SALL2: variants seen among roughly 807,000 people sequenced by gnomAD.
SALL2 encodes the protein sal-like protein 2.
SALL2 carries 32 observed loss-of-function variants against 58.5 expected under a neutral mutation model. That is an observed-to-expected ratio of 0.55 (90% CI 0.41 to 0.74). SALL2 has a LOEUF of 0.74. Among genes scored for constraint, SALL2 ranks in the 30% least tolerant of loss-of-function variants. SALL2 has a pLI of 0.00. For synonymous variants in SALL2, 516 were observed against 513.6 expected, an observed-to-expected ratio of 1.00 and a Z score of -0.06; for missense variants, 1,201 against 1,268.9, an observed-to-expected ratio of 0.95 and a Z score of 0.81.
At position 21,524,114 on chromosome 14, in the gene SALL2, T is replaced by C. The variant is rs1396044218; in HGVS notation, c.1608A>G (p.Gly536=). ...GAGTTGCCGTGCTACTTTCTGCCAC[T>C]CCACTGATGGCTGAGCCCTCACTCC... ...PPGSEGSAIS[G]VAESSTATRM... is the part of the protein sequence containing the mutation. The change falls in exon 2 of 2, where the codon GGA becomes GGG. Residue 536 remains glycine, a synonymous_variant. Transcript: ENST00000537235. 1.9e-6 allele frequency: 3 copies of C among 1,613,600 alleles called. No individual in the cohort carries two copies. Among genetic ancestry groups the C allele is most frequent in the Non-Finnish European group, 2.5e-6 (3 of 1,179,776 alleles).
intron 1 of SALL2, among the ~76,000 whole-genome samples, chr14:21,531,660 G>A (rs545945594): frequency 1.3e-3 from 188 of 149,740 alleles, no homozygotes; most frequent in African/African-American, 4.2e-3. Flanking sequence ...TGCCCACCTC[G>A]GCCTCCCAAA....
upstream of SALL2, among the ~76,000 whole-genome samples, chr14:21,528,282 T>A (rs540666858): frequency 1.3e-5 from 2 of 152,174 alleles, no homozygotes; most frequent in Non-Finnish European, 2.9e-5. Context: ...ATACTAAAAT[T>A]AGATCTGTTT....
rs1241270367 is a variant in SALL2, at chr14:21,523,741, CTT to C, written c.1979_1980del (p.Lys660SerfsTer11). 6.2e-7 allele frequency: 1 copy of C among 1,614,228 alleles called. No individual in the cohort carries two copies. Among genetic ancestry groups the C allele is most frequent in the Non-Finnish European group, 8.5e-7 (1 of 1,180,038 alleles). ...CTGGTGGAGAAGGCTCTGCCACACA[CTT>C]TGCATTTGAAGGGCCTCTCACCTCC... is the stretch of plus-strand genomic sequence containing the variant. ...QHGGERPFKC[K>X]VCGRAFSTRG... is the part of the protein sequence containing the mutation. On this transcript the variant is annotated frameshift_variant, in exon 2 of 2. Coordinates refer to ENST00000537235, the MANE Select transcript of SALL2 (RefSeq NM_001364564.1). LOFTEE classifies it high-confidence loss of function. The surrounding 1 kb of genome is among the most constrained non-coding windows in gnomAD (Gnocchi z 4.4).
In SALL2 at chr14:21,536,916, A is replaced by G. The variant is rs748824655; in HGVS notation, c.-114+46T>C. 8.1e-6 allele frequency: 13 copies of G among 1,613,946 alleles called. No homozygotes were observed. The East Asian group carries it at 2.9e-4, about 36-fold the overall frequency. ...GTTGGGGTTTCCGCTGCTTTCGCCG[A>G]GACATTCCCGGGTAGAGAGTTGGGA... On this transcript the variant is annotated intron_variant, in intron 1 of 1. Coordinates refer to the SALL2 transcript ENST00000541965.
At position 21,523,157 on chromosome 14, in the gene SALL2, A is replaced by G; in HGVS notation, c.2565T>C (p.Ser855=). The G allele has an allele frequency of 6.2e-7, 1 of 1,613,796 alleles. No homozygotes were observed. The highest frequency in any genetic ancestry group is 8.5e-7 in the Non-Finnish European group (1 of 1,179,936). Residue 855 remains serine (S), a synonymous_variant, in exon 2 of 2, where the codon AGT becomes AGC. Coordinates refer to ENST00000537235, the MANE Select transcript of SALL2 (RefSeq NM_001364564.1). This position sits in a 1 kb window ranked among gnomAD's most constrained non-coding sequence, Gnocchi z 4.4. The part of the protein sequence containing the change: ...DQPQPMEQGS[S]GVLGGKEEGG... ...CCTCTTCCTTGCCTCCTAAAACACC[A>G]CTGCTTCCCTGCTCCATTGGCTGAG...
chr14:21,530,301 T>C (rs1473267617), upstream of SALL2, among the ~76,000 whole-genome samples: 1 of 144,226 alleles, frequency 6.9e-6, no homozygotes, highest in Non-Finnish European at 1.5e-5. Context: ...TTTTTTTTTT[T>C]TTTGAGACGG....
At chr14:21,537,103 CTGTTCTT>C in exon 1 of SALL2, 1 of 591,716 alleles carries the variant, frequency 1.7e-6, no homozygotes, top group Non-Finnish European at 3.0e-6. Flanking sequence ...CTCTGATTCT[CTGTTCTT>C]GACTCTCTCT....
Position 21,522,211 on chromosome 14 carries a change from G to C in SALL2, c.*493C>G, listed in dbSNP as rs753720485. The stretch of plus-strand genomic sequence containing the variant: ...GAGCTGGAATTCCAGGGCTTCATGG[G>C]CAGGCCATTTGACAGGAATGCCACA... On this transcript the variant is annotated 3_prime_UTR_variant, in exon 2 of 2. Transcript: ENST00000537235. 1.5e-5 allele frequency: 24 copies of C among 1,596,860 alleles called. No individual in the cohort carries two copies. Among genetic ancestry groups the C allele is most frequent in the Non-Finnish European group, 2.0e-5 (24 of 1,179,246 alleles).
At position 21,521,148 on chromosome 14, in the gene SALL2, C is replaced by T. The variant is rs1429981349; in HGVS notation, c.*1556G>A. 1 of 152,210 alleles carries T rather than the reference C, an allele frequency of 6.6e-6. No individual in the cohort carries two copies. The highest frequency in any genetic ancestry group is 1.5e-5 in the Non-Finnish European group (1 of 68,050). The allele number at this position is 152,210 out of a possible 1,614,324, so 9.4% of individuals were successfully genotyped here. A position where few individuals can be genotyped will look rare whatever the true frequency, so the allele number is the denominator to read the frequency against. On this transcript the variant is annotated 3_prime_UTR_variant, in exon 2 of 2. Transcript: ENST00000537235. ...TCTCCCGTCTGTTCTTGACATTTTA[C>T]TAGGTTAGGAAGCTCTGGAGCCTAC...
At chr14:21,529,733 A>C (rs932501727), upstream of SALL2, among the ~76,000 whole-genome samples, 1 of 152,152 alleles carries the variant, frequency 6.6e-6, no homozygotes, top group Non-Finnish European at 1.5e-5. Context: ...GGATTGCTTG[A>C]GGCCAGGAAT....
At chr14:21,528,861 T>C (rs150915177), upstream of SALL2, among the ~76,000 whole-genome samples, 18 of 152,292 alleles carry the variant, frequency 1.2e-4, no homozygotes, top group East Asian at 3.3e-3. Flanking sequence ...GGGAATCAGA[T>C]GGAGGCTTTC....
chr14:21,536,401 T>A (rs528872583), intron 1 of SALL2, among the ~76,000 whole-genome samples: 4 of 152,052 alleles, frequency 2.6e-5, no homozygotes, highest in Non-Finnish European at 5.9e-5. Context: ...ATGAGAAACT[T>A]TTTTCTCGTC....
At chr14:21,531,754 TGGAGTGCAATGGTC>T (rs1892470193) in intron 1 of SALL2, among the ~76,000 whole-genome samples, 1 of 62,856 alleles carries the variant, frequency 1.6e-5, no homozygotes, top group Non-Finnish European at 4.2e-5. Flanking sequence ...TCGCCCAGGC[TGGAGTGCAATGGTC>T]GCCCAGGCTG....
At position 21,522,274 on chromosome 14, in the gene SALL2, G is replaced by C; in HGVS notation, c.*430C>G. The C allele has an allele frequency of 1.3e-6, 2 of 1,556,288 alleles. No individual in the cohort carries two copies. The highest frequency in any genetic ancestry group is 1.7e-6 in the Non-Finnish European group (2 of 1,156,146). On this transcript the variant is annotated 3_prime_UTR_variant, in exon 2 of 2. Coordinates refer to ENST00000537235, the MANE Select transcript of SALL2 (RefSeq NM_001364564.1). The stretch of plus-strand genomic sequence containing the variant: ...AAAGATAGGGGACCCATACCCACCA[G>C]CTGAGCAGAAAGGTCACCCCAGAGG...
intron 1 of SALL2, among the ~76,000 whole-genome samples, chr14:21,535,510 T>C (rs1220244365): frequency 6.6e-6 from 1 of 152,146 alleles, no homozygotes; most frequent in Non-Finnish European, 1.5e-5. Context: ...TAAGCACTTA[T>C]TTATGCTAGG....
Position 21,522,080 on chromosome 14 carries a change from C to G in SALL2, c.*624G>C. On this transcript the variant is annotated 3_prime_UTR_variant, in exon 2 of 2. Transcript: ENST00000537235. ...GAGGCTGAAATAGGAGGGGGGCTGT[C>G]TTCTCCTTGGCTTCCCTGGATCCCA... 6.3e-7 allele frequency: 1 copy of G among 1,597,710 alleles called. No homozygotes were observed. The highest frequency in any genetic ancestry group is 8.5e-7 in the Non-Finnish European group (1 of 1,179,574).
At chr14:21,531,600 G>T (rs923321701) in intron 1 of SALL2, among the ~76,000 whole-genome samples, 2 of 151,730 alleles carry the variant, frequency 1.3e-5, no homozygotes, top group Non-Finnish European at 2.9e-5. Context: ...TAGAGACGGG[G>T]TTTCTTCATA....
exon 1 of SALL2, chr14:21,536,984 GGTCTC>G: frequency 6.8e-7 from 1 of 1,461,986 alleles, no homozygotes; most frequent in Non-Finnish European, 9.6e-7. Context: ...GGGGTGACCT[GGTCTC>G]GTCTCCCCCT....
chr14:21,535,361 AAAAAG>A (rs1892571199), intron 1 of SALL2, among the ~76,000 whole-genome samples: 1 of 149,188 alleles, frequency 6.7e-6, no homozygotes, highest in East Asian at 2.3e-4. Context: ...AAAAAAAGAA[AAAAAG>A]AAAAAGAAAA....
Sources: gnomAD v4.1 joint callset for allele counts (sites outside exome capture counted in the v4.1 genomes callset) on GRCh38, gnomAD v4.1.1 for gene constraint, Gnocchi (gnomAD v3.1) non-coding constraint, MANE v1.5 for transcripts, NCBI Gene and HGNC (gene_info 2026-07-23, HGNC 2026-07-21) for gene names.